The following CTPS1 variants were observed in gnomAD, a reference collection of about 807,000 sequenced individuals.
The protein encoded by CTPS1 is CTP synthetase 1.
In CTPS1, 25 loss-of-function variants were observed where a neutral mutation model predicts 80.5. The ratio of observed to expected loss-of-function variants is 0.31; its 90% CI spans 0.23 to 0.43. The LOEUF is 0.43. CTPS1 is among the 20% of genes least tolerant of loss of function. The pLI is 1.00. For missense variants in CTPS1, 442 were observed against 725.7 expected (o/e 0.61, Z 4.49); for synonymous variants, 267 against 252.5 (o/e 1.06, Z -0.54).
intron 3 of CTPS1, among the ~76,000 whole-genome samples, chr1:40,985,716 T>C (rs1007535230): frequency 1.3e-5 from 2 of 152,172 alleles, no homozygotes; most frequent in Admixed American, 1.3e-4. Context: ...AGGGTCACAC[T>C]GACAGCTGGC....
At chr1:40,987,651 C>T (rs1045418877) in intron 4 of CTPS1, among the ~76,000 whole-genome samples, 179 bp downstream of exon 4, 1 of 152,156 alleles carries the variant, frequency 6.6e-6, no homozygotes, top group Admixed American at 6.5e-5. Flanking sequence ...AAGGGAAAAC[C>T]GTAGTTTGCC....
rs568966876 is a variant in CTPS1 at position 40,997,503 on chromosome 1, A to G, written c.982A>G (p.Ile328Val). The change falls in exon 9 of 19, where the codon ATC becomes GTC. Residue 328 changes from isoleucine (I) to valine (V), a missense_variant. This residue lies in a region of CTPS1 where 321 missense variants were observed against 467.2 expected (regional missense o/e 0.69). Coordinates refer to ENST00000650070, the MANE Select transcript of CTPS1 (RefSeq NM_001905.4). ...GGCTCTGGAGCATTCTGCACTGGCCATCAACCACAAATTGGAAATCAAGGT... is the reference window on the plus strand; with the variant it reads ...GGCTCTGGAGCATTCTGCACTGGCCGTCAACCACAAATTGGAAATCAAGGT... The part of the protein sequence containing the change: ...IKALEHSALA[I>V]NHKLEIKYID... 1.9e-6 allele frequency: 3 copies of G among 1,614,022 alleles called. No homozygotes were observed. The highest frequency in any genetic ancestry group is 1.1e-5 in the South Asian group (1 of 91,030).
chr1:41,008,585 G>C (rs933468737), intron 14 of CTPS1, 74 bp from the exon 15 acceptor site: 4 of 1,484,414 alleles, frequency 2.7e-6, no homozygotes, highest in Admixed American at 3.4e-5. Flanking sequence ...AGTAAAGCAG[G>C]AAGGAGGATG....
At position 41,000,215 on chromosome 1, in the gene CTPS1, ATGTTTTGTTTTGTTT is replaced by A. The variant is rs113751290; in HGVS notation, c.1006-783_1006-769del. Among the ~76,000 whole-genome samples, 900 of 147,538 alleles carry A rather than the reference ATGTTTTGTTTTGTTT, an allele frequency of 6.1e-3. 13 individuals are homozygous for A. Among genetic ancestry groups the A allele is most frequent in the South Asian group, 0.03 (136 of 4,566 alleles). ...GCACATTCTGGGAAGATGGTAACTT[ATGTTTTGTTTTGTTT>A]TGTTTTGTTTTGTTTTGTTTTGTTT... On this transcript the variant is annotated intron_variant, in intron 9 of 18. Transcript: ENST00000650070.
chr1:41,010,573 C>T (rs888976958), intron 18 of CTPS1, among the ~76,000 whole-genome samples: 7 of 151,856 alleles, frequency 4.6e-5, no homozygotes, highest in Admixed American at 1.3e-4. Context: ...AGTTCTGGGG[C>T]GGGGAAGGGG....
At chr1:40,983,528 G>A (rs1642369301) in intron 2 of CTPS1, 72 bp downstream of exon 2, 11 of 1,293,642 alleles carry the variant, frequency 8.5e-6, no homozygotes, top group South Asian at 6.1e-5. Flanking sequence ...TTATGTGCAC[G>A]GTTTGCATAA....
At chr1:40,991,088 G>T in intron 5 of CTPS1, 77 bp from the exon 6 acceptor site, 1 of 1,040,556 alleles carries the variant, frequency 9.6e-7, no homozygotes, top group Non-Finnish European at 1.4e-6. Context: ...ATTAAAAGAG[G>T]TTCAAGGAAA....
At chr1:41,008,924 C>CT (rs1643100834) in intron 16 of CTPS1, 34 bp downstream of exon 16, 16 of 1,536,490 alleles carry the variant, frequency 1.0e-5, no homozygotes, top group Non-Finnish European at 1.4e-5. Context: ...TAATGGAAAA[C>CT]TTAGTAAAGT....
intron 5 of CTPS1, among the ~76,000 whole-genome samples, chr1:40,989,449 G>A (rs1448804186): frequency 1.3e-5 from 2 of 152,198 alleles, no homozygotes; most frequent in East Asian, 3.8e-4. Context: ...ATTCCACGTA[G>A]GAGGTTGTAA....
rs757447163 is a variant in CTPS1 at position 40,983,427 on chromosome 1, A to G, written c.137A>G (p.Asp46Gly). The G allele has an allele frequency of 6.2e-7, 1 of 1,613,660 alleles. No individual in the cohort carries two copies. Among genetic ancestry groups the G allele is most frequent in the Admixed American group, 1.7e-5 (1 of 59,952 alleles). Residue 46 changes from aspartate (D) to glycine (G), a missense_variant, in exon 2 of 19, where the codon GAT (aspartate) becomes GGT (glycine). By Grantham distance (94) the Asp-to-Gly change is moderately conservative. This residue lies in a region of CTPS1 where 25 missense variants were observed against 72.7 expected (regional missense o/e 0.34). Coordinates refer to ENST00000650070, the MANE Select transcript of CTPS1 (RefSeq NM_001905.4). Reference sequence around the variant, plus strand: ...AAAATTGACCCCTACATTAACATTGATGCAGGAACATTCTCTCCTTATGAG... The same window carrying G: ...AAAATTGACCCCTACATTAACATTGGTGCAGGAACATTCTCTCCTTATGAG... ...SIKIDPYINIDAGTFSPYEHG... is the reference protein window; with the variant it reads ...SIKIDPYINIGAGTFSPYEHG...
chr1:40,984,357 A>G (rs1642397954), intron 2 of CTPS1, among the ~76,000 whole-genome samples: 1 of 152,260 alleles, frequency 6.6e-6, no homozygotes, highest in African/African-American at 2.4e-5. Context: ...AAAGTTGTTT[A>G]GAACAAAAGC....
chr1:40,979,819 G>A lies in CTPS1; in HGVS notation c.-24G>A, dbSNP rs1651768077. 2 of 152,224 alleles carry A rather than the reference G, an allele frequency of 1.3e-5. No individual in the cohort carries two copies. The highest frequency in any genetic ancestry group is 1.9e-4 in the East Asian group (1 of 5,178). The allele number at this position is 152,224 out of a possible 1,614,324, so 9.4% of individuals were successfully genotyped here. A position where few individuals can be genotyped will look rare whatever the true frequency, so the allele number is the denominator to read the frequency against. On this transcript the variant is annotated 5_prime_UTR_variant, in exon 1 of 19. Transcript: ENST00000650070. ...TCTGTCGCTGACGGGAGGATCTGAA[G>A]CCGGCCGCAGGTAGGCTGACTCCAG...
chr1:40,981,437 G>A (rs1399962591), intron 1 of CTPS1, among the ~76,000 whole-genome samples: 3 of 152,178 alleles, frequency 2.0e-5, no homozygotes, highest in African/African-American at 7.2e-5. Flanking sequence ...TAACTCACTC[G>A]GTGGCAGAGG....
chr1:40,983,619 C>CTT (rs56179408), intron 2 of CTPS1, among the ~76,000 whole-genome samples, 163 bp downstream of exon 2: 92 of 140,306 alleles, frequency 6.6e-4, no homozygotes, highest in South Asian at 4.8e-3. Flanking sequence ...AAGCAGAATT[C>CTT]TTTTTTTTTT....
intron 11 of CTPS1, among the ~76,000 whole-genome samples, 184 bp downstream of exon 11, chr1:41,002,438 T>C (rs1400404255): frequency 2.0e-5 from 3 of 152,216 alleles, no homozygotes; most frequent in Non-Finnish European, 4.4e-5. Flanking sequence ...AGCTTATTTA[T>C]GCTTATGAGC....
chr1:40,996,254 G>T, intron 8 of CTPS1, 186 bp downstream of exon 8: 2 of 662,990 alleles, frequency 3.0e-6, no homozygotes. Flanking sequence ...CACAGATGAG[G>T]AGATCCTGAT....
intron 11 of CTPS1, among the ~76,000 whole-genome samples, chr1:41,002,827 C>G (rs1435967134): frequency 6.6e-6 from 1 of 152,128 alleles, no homozygotes; most frequent in Admixed American, 6.5e-5. Flanking sequence ...GAGTGGGCAA[C>G]AGCAAGACCC....
At chr1:40,983,557 T>C in intron 2 of CTPS1, 101 bp downstream of exon 2, 1 of 956,238 alleles carries the variant, frequency 1.0e-6, no homozygotes, top group East Asian at 2.5e-5. Flanking sequence ...TTCTGCCTTC[T>C]AACAGGTCCC....
intron 12 of CTPS1, among the ~76,000 whole-genome samples, chr1:41,004,516 A>G (rs1642983786): frequency 1.3e-5 from 2 of 152,116 alleles, no homozygotes; most frequent in Admixed American, 6.5e-5. Context: ...AGGTTCCCAA[A>G]TGGGTAGGTG....
Sources: allele counts gnomAD v4.1 joint callset (sites outside exome capture counted in the v4.1 genomes callset), GRCh38; gene constraint gnomAD v4.1.1; regional missense constraint gnomAD v4.1.1; transcripts MANE v1.5; gene names NCBI Gene and HGNC (gene_info 2026-07-23, HGNC 2026-07-21).